RTTN: variants seen among roughly 807,000 people sequenced by gnomAD.
The protein encoded by RTTN is rotatin.
A neutral mutation model predicts 269.2 loss-of-function variants in RTTN; 182 were observed. That is an observed-to-expected ratio of 0.68 (90% CI 0.60 to 0.76). RTTN has a LOEUF of 0.76. RTTN is among the 30% of genes least tolerant of loss of function. RTTN has a pLI of 0.00. For synonymous variants in RTTN, 1,006 were observed against 963.5 expected (o/e 1.04, Z -0.82); for missense variants, 2,545 against 2,608.6 (o/e 0.98, Z 0.53).
chr18:70,092,355 C>A, intron 29 of RTTN, 135 bp from the exon 30 acceptor site: 2 of 651,094 alleles, frequency 3.1e-6, no homozygotes, highest in South Asian at 2.4e-5. Flanking sequence ...CATTATTCAG[C>A]CAAAAAAGGC....
At chr18:70,050,202 A>C (rs569248575) in intron 39 of RTTN, among the ~76,000 whole-genome samples, 1 of 152,232 alleles carries the variant, frequency 6.6e-6, no homozygotes, top group Non-Finnish European at 1.5e-5. Flanking sequence ...TCCAGAATCT[A>C]CAAGGAACTT....
chr18:70,018,921 T>C (rs2056622956), intron 45 of RTTN, among the ~76,000 whole-genome samples: 1 of 142,832 alleles, frequency 7.0e-6, no homozygotes, highest in Non-Finnish European at 1.5e-5. Flanking sequence ...TATACCATGG[T>C]AGAAAAAAAA....
intron 32 of RTTN, among the ~76,000 whole-genome samples, chr18:70,086,205 G>A (rs1267406581): frequency 6.6e-6 from 1 of 152,152 alleles, no homozygotes; most frequent in Admixed American, 6.6e-5. Context: ...AAGTGGGTAA[G>A]AGACTGCCTA....
Position 70,048,111 on chromosome 18 carries a change from G to C in RTTN, c.5401C>G (p.Leu1801Val). 1 of 1,614,106 alleles carries C rather than the reference G, an allele frequency of 6.2e-7. No homozygotes were observed. Among genetic ancestry groups the C allele is most frequent in the South Asian group, 1.1e-5 (1 of 91,070 alleles). The stretch of plus-strand genomic sequence containing the variant: ...TGCCCTTTTGCTTCTTCGGTCAAGA[G>C]AACAGAAAGGAATTGCAAGCTGGCA... ...YTASLQFLSVLLTEEAKGHLQ... is the reference protein window; with the variant it reads ...YTASLQFLSVVLTEEAKGHLQ... The change falls in exon 40 of 49, where the codon CTC (leucine) becomes GTC (valine). Residue 1801 changes from leucine to valine, a missense_variant. Physicochemically the swap from Leu to Val is conservative, Grantham distance 32. Transcript: ENST00000640769.
chr18:70,090,412 A>G (rs971070589), intron 30 of RTTN, among the ~76,000 whole-genome samples: 1 of 70,432 alleles, frequency 1.4e-5, no homozygotes, highest in African/African-American at 2.6e-5. Flanking sequence ...TACAAAATAC[A>G]TAAATGTGGT....
chr18:70,150,842 TG>T (rs1352459602), intron 14 of RTTN, 109 bp from the exon 15 acceptor site: 28 of 804,408 alleles, frequency 3.5e-5, no homozygotes, highest in Non-Finnish European at 4.5e-5. Flanking sequence ...TTTACTTCAT[TG>T]AAACTTTTTT....
At chr18:70,011,594 T>C (rs1292377307) in intron 46 of RTTN, among the ~76,000 whole-genome samples, 1 of 152,146 alleles carries the variant, frequency 6.6e-6, no homozygotes, top group African/African-American at 2.4e-5. Context: ...TATCTCAAAA[T>C]AATAAGAGCT....
intron 11 of RTTN, among the ~76,000 whole-genome samples, 157 bp downstream of exon 11, chr18:70,176,518 T>A (rs1363432874): frequency 6.6e-6 from 1 of 152,230 alleles, no homozygotes; most frequent in East Asian, 1.9e-4. Context: ...TAGCCATTTC[T>A]CAATTTCTAC....
At chr18:70,027,497 A>G (rs1221825191) in intron 43 of RTTN, among the ~76,000 whole-genome samples, 1 of 152,242 alleles carries the variant, frequency 6.6e-6, no homozygotes, top group African/African-American at 2.4e-5. Flanking sequence ...ATTGAGCACA[A>G]TATTTATAAC....
chr18:70,075,297 C>T (rs1234431906), intron 33 of RTTN, 55 bp downstream of exon 33: 2 of 1,223,612 alleles, frequency 1.6e-6, no homozygotes, highest in African/African-American at 1.7e-5. Flanking sequence ...GTATTTTTAA[C>T]AGTTTTTACA....
At chr18:70,044,382 A>T (rs2057432042) in intron 40 of RTTN, among the ~76,000 whole-genome samples, 1 of 152,212 alleles carries the variant, frequency 6.6e-6, no homozygotes, top group East Asian at 1.9e-4. Context: ...TATAGACAAA[A>T]TCTACTACAT....
intron 1 of RTTN, 93 bp downstream of exon 1, chr18:70,205,535 G>C: frequency 6.5e-7 from 1 of 1,538,662 alleles, no homozygotes; most frequent in South Asian, 1.1e-5. Flanking sequence ...GAGCGGTCGC[G>C]GAGCGGCCGG....
intron 19 of RTTN, among the ~76,000 whole-genome samples, chr18:70,141,483 T>A (rs1422220595): frequency 6.6e-6 from 1 of 152,146 alleles, no homozygotes; most frequent in Non-Finnish European, 1.5e-5. Context: ...GGGACATGGA[T>A]GAAGCTGGAA....
intron 14 of RTTN, among the ~76,000 whole-genome samples, chr18:70,157,215 C>T (rs1568479694): frequency 6.6e-6 from 1 of 152,142 alleles, no homozygotes; most frequent in Non-Finnish European, 1.5e-5. Context: ...CAGTCACCAT[C>T]GGAAAGTTGT....
intron 32 of RTTN, among the ~76,000 whole-genome samples, chr18:70,079,234 T>C (rs1232721760): frequency 6.6e-6 from 1 of 151,980 alleles, no homozygotes; most frequent in Non-Finnish European, 1.5e-5. Context: ...GAAAAAAAAA[T>C]TTCTTCTAAA....
At chr18:70,093,170 ACTTGGCCT>A (rs2058899270) in intron 28 of RTTN, among the ~76,000 whole-genome samples, 1 of 152,126 alleles carries the variant, frequency 6.6e-6, no homozygotes, top group African/African-American at 2.4e-5. Context: ...GCACCACTGC[ACTTGGCCT>A]AAGTTACAGA....
intron 46 of RTTN, chr18:70,006,689 AG>A (rs1242648065): frequency 1.9e-6 from 1 of 528,556 alleles, no homozygotes. Flanking sequence ...CAGGCATAGA[AG>A]GGTCAAAGAC....
chr18:70,127,810 A>G (rs953229987), intron 24 of RTTN, 69 bp from the exon 25 acceptor site: 77 of 1,377,202 alleles, frequency 5.6e-5, no homozygotes, highest in Non-Finnish European at 7.4e-5. Flanking sequence ...ACTTATTTCT[A>G]TTATAAACTC....
At chr18:70,186,735 T>C (rs755738214) in intron 10 of RTTN, among the ~76,000 whole-genome samples, 16 of 152,198 alleles carry the variant, frequency 1.1e-4, no homozygotes, top group Non-Finnish European at 2.4e-4. Flanking sequence ...TGGATGGAGC[T>C]GGAGGCCATT....
Sources: gnomAD v4.1 joint callset for allele counts (sites outside exome capture counted in the v4.1 genomes callset) on GRCh38, gnomAD v4.1.1 for gene constraint, MANE v1.5 for transcripts, NCBI Gene and HGNC (gene_info 2026-07-23, HGNC 2026-07-21) for gene names.